NXPH2: variants seen among roughly 807,000 people sequenced by gnomAD.
The protein encoded by NXPH2 is neurexophilin-2.
A neutral mutation model predicts 19.8 loss-of-function variants in NXPH2; 5 were observed. The observed-to-expected ratio is 0.25, with a 90% CI of 0.13 to 0.53. The LOEUF (loss-of-function observed/expected upper bound fraction) is 0.53, where lower values mean the gene tolerates loss of function less well. Among genes scored for constraint, NXPH2 ranks in the 20% least tolerant of loss-of-function variants. The probability of loss-of-function intolerance (pLI) is 0.96; values close to 1 mark genes in which losing one functional copy is unlikely to be tolerated. For missense variants in NXPH2, 289 were observed against 322.8 expected, an observed-to-expected ratio of 0.90 and a Z score of 0.80; for synonymous variants, 154 against 127.4, an observed-to-expected ratio of 1.21 and a Z score of -1.41.
At chr2:138,683,447 C>T (rs1215199391) in intron 1 of NXPH2, among the ~76,000 whole-genome samples, 2 of 152,120 alleles carry the variant, frequency 1.3e-5, no homozygotes, top group African/African-American at 4.8e-5. Flanking sequence ...TATTTCCATG[C>T]CATTTTCGGC....
intron 1 of NXPH2, among the ~76,000 whole-genome samples, chr2:138,680,277 T>A: frequency 6.6e-6 from 1 of 152,156 alleles, no homozygotes; most frequent in East Asian, 1.9e-4. Context: ...TTCAAAGAGA[T>A]GAAGGAGGCT....
intron 1 of NXPH2, among the ~76,000 whole-genome samples, chr2:138,706,429 A>G (rs1242371010): frequency 1.3e-5 from 2 of 152,216 alleles, no homozygotes; most frequent in Admixed American, 6.5e-5. Context: ...CTGATGCCCA[A>G]GTATCCCGAA....
At chr2:138,688,767 C>T (rs1573954686) in intron 1 of NXPH2, among the ~76,000 whole-genome samples, 1 of 152,138 alleles carries the variant, frequency 6.6e-6, no homozygotes, top group Non-Finnish European at 1.5e-5. Context: ...CAAAACAGTT[C>T]ATGGCAGCAT....
At chr2:138,732,862 GCACATTTGACTTAAAGC>G (rs1364742147) in intron 1 of NXPH2, among the ~76,000 whole-genome samples, 1 of 151,912 alleles carries the variant, frequency 6.6e-6, no homozygotes. Flanking sequence ...GCACATTATG[GCACATTTGACTTAAAGC>G]CAAAACTTCT....
Position 138,767,421 on chromosome 2 carries a change from C to T in NXPH2, c.51+12770G>A, listed in dbSNP as rs370934462. ...TTTCCCCAAATGGAGAGAGCAGTAG[C>T]TCCCCTGAGACCCTTGCATGCCCCC... On this transcript the variant is annotated intron_variant, in intron 1 of 1. Coordinates refer to ENST00000272641, the MANE Select transcript of NXPH2 (RefSeq NM_007226.3). Among the ~76,000 whole-genome samples the T allele has an allele frequency of 6.6e-5, 10 of 152,354 alleles. No individual in the cohort carries two copies. The East Asian group carries it at 1.9e-3, about 29-fold the overall frequency.
chr2:138,712,982 T>C (rs913783609), intron 1 of NXPH2, among the ~76,000 whole-genome samples: 10 of 152,232 alleles, frequency 6.6e-5, no homozygotes, highest in Admixed American at 6.5e-4. Context: ...CTGGTGATGG[T>C]CTTCACATGA....
chr2:138,689,545 A>G (rs1352620302), intron 1 of NXPH2, among the ~76,000 whole-genome samples: 1 of 152,178 alleles, frequency 6.6e-6, no homozygotes, highest in Non-Finnish European at 1.5e-5. Flanking sequence ...TGTTGAGGTA[A>G]AGTACCAAGG....
chr2:138,733,812 GA>G, intron 1 of NXPH2, among the ~76,000 whole-genome samples: 1 of 152,294 alleles, frequency 6.6e-6, no homozygotes, highest in African/African-American at 2.4e-5. Flanking sequence ...ATTATTTCCT[GA>G]AGACGCTGAC....
Position 138,763,127 on chromosome 2 carries a change from A to C in NXPH2, c.51+17064T>G, listed in dbSNP as rs190343030. Among the ~76,000 whole-genome samples the C allele has an allele frequency of 6.7e-4, 102 of 152,286 alleles. 1 individual carries two copies. The highest frequency in any genetic ancestry group is 2.4e-3 in the African/African-American group (98 of 41,572). On this transcript the variant is annotated intron_variant, in intron 1 of 1. Coordinates refer to ENST00000272641, the MANE Select transcript of NXPH2 (RefSeq NM_007226.3). The stretch of plus-strand genomic sequence containing the variant: ...AATTGGAAAAGACAGTAAGATAGTA[A>C]ATTAAGTTATACTAAGAAAGTGTCC...
Position 138,670,504 on chromosome 2 carries a change from C to A in NXPH2, c.*418G>T, listed in dbSNP as rs1470339300. 1.3e-5 allele frequency among the ~76,000 whole-genome samples: 2 copies of A among 152,190 alleles called. No homozygotes were observed. The highest frequency in any genetic ancestry group is 4.8e-5 in the African/African-American group (2 of 41,432). On this transcript the variant is annotated 3_prime_UTR_variant, in exon 2 of 2. Coordinates refer to ENST00000272641, the MANE Select transcript of NXPH2 (RefSeq NM_007226.3). ...ACACAATTCATCTATCAAATACAAT[C>A]TTTTCCTTTACCGCATCTGCTGTTT...
Position 138,780,183 on chromosome 2 carries a change from G to T in NXPH2, c.51+8C>A. On this transcript the variant is annotated splice_region_variant and intron_variant, in intron 1 of 1. Transcript: ENST00000272641. ...GCGTGTGGGACGGCGCGCGGGCCGG[G>T]CACTCACCAGCTGCAGCAAGCCAGG... is the stretch of plus-strand genomic sequence containing the variant. 3 of 1,489,996 alleles carry T rather than the reference G, an allele frequency of 2.0e-6. No individual in the cohort carries two copies. Among genetic ancestry groups the T allele is most frequent in the Non-Finnish European group, 2.7e-6 (3 of 1,128,260 alleles). The allele number at this position is 1,489,996 out of a possible 1,614,324, so 92.3% of individuals were successfully genotyped here.
At chr2:138,693,775 C>T (rs1315852752) in intron 1 of NXPH2, among the ~76,000 whole-genome samples, 1 of 152,102 alleles carries the variant, frequency 6.6e-6, no homozygotes, top group Non-Finnish European at 1.5e-5. Context: ...ACCATGAGGA[C>T]TGCCCATCAA....
At chr2:138,684,778 C>T (rs149714754) in intron 1 of NXPH2, among the ~76,000 whole-genome samples, 2 of 152,314 alleles carry the variant, frequency 1.3e-5, no homozygotes, top group African/African-American at 4.8e-5. Flanking sequence ...CCCTCTTAGC[C>T]CAAGAGTCCC....
chr2:138,775,501 A>T (rs980549086), intron 1 of NXPH2, among the ~76,000 whole-genome samples: 1 of 152,160 alleles, frequency 6.6e-6, no homozygotes, highest in Non-Finnish European at 1.5e-5. Flanking sequence ...TGCATTAGTA[A>T]ATAAAGACTT....
intron 1 of NXPH2, among the ~76,000 whole-genome samples, chr2:138,742,837 G>T (rs542353596): frequency 1.3e-5 from 2 of 152,284 alleles, no homozygotes; most frequent in South Asian, 2.1e-4. Flanking sequence ...TATCCAGGAG[G>T]TCTAGAGACT....
chr2:138,717,196 A>C (rs1573964934), intron 1 of NXPH2, among the ~76,000 whole-genome samples: 1 of 152,268 alleles, frequency 6.6e-6, no homozygotes, highest in East Asian at 1.9e-4. Flanking sequence ...TTAAACGACC[A>C]AAGACAAGGT....
chr2:138,696,237 C>G (rs1230456848), intron 1 of NXPH2, among the ~76,000 whole-genome samples: 3 of 151,898 alleles, frequency 2.0e-5, no homozygotes, highest in Non-Finnish European at 4.4e-5. Context: ...TAGGAATTTA[C>G]CTTAAGTGAA....
intron 1 of NXPH2, among the ~76,000 whole-genome samples, chr2:138,770,217 AG>A (rs1290351309): frequency 6.6e-6 from 1 of 152,170 alleles, no homozygotes; most frequent in Non-Finnish European, 1.5e-5. Flanking sequence ...TCCAGAAGTG[AG>A]GGGGAAAACA....
intron 1 of NXPH2, among the ~76,000 whole-genome samples, chr2:138,772,524 C>T (rs35748131): frequency 0.061 from 9,226 of 152,140 alleles, 364 homozygotes; most frequent in Middle Eastern, 0.12. Flanking sequence ...CTCGAACTCC[C>T]GACCTCAGGT....
Sources: allele counts gnomAD v4.1 joint callset (sites outside exome capture counted in the v4.1 genomes callset), GRCh38; gene constraint gnomAD v4.1.1; transcripts MANE v1.5; gene names NCBI Gene and HGNC (gene_info 2026-07-23, HGNC 2026-07-21).